Variants in SLC66A2 observed in about 807,000 individuals in gnomAD.
SLC66A2 encodes the protein solute carrier family 66 member 2.
Under a neutral mutation model 25.5 loss-of-function variants are expected in SLC66A2, and 23 were observed. The ratio of observed to expected loss-of-function variants is 0.90; its 90% CI spans 0.65 to 1.28. The LOEUF is 1.28. Among genes scored for constraint, SLC66A2 ranks in the 50% most tolerant of loss-of-function variants. The pLI is 0.00. For missense variants in SLC66A2, 396 were observed against 373.1 expected, an observed-to-expected ratio of 1.06 and a Z score of -0.51; for synonymous variants, 193 against 166.5, an observed-to-expected ratio of 1.16 and a Z score of -1.23.
chr18:79,907,514 G>A (rs944247748), intron 5 of SLC66A2, among the ~76,000 whole-genome samples: 4 of 151,838 alleles, frequency 2.6e-5, no homozygotes, highest in East Asian at 3.9e-4. Flanking sequence ...ACCACACTCC[G>A]CTAATGTTTT....
chr18:79,918,784 G>A lies in SLC66A2; in HGVS notation c.608+400C>T, dbSNP rs1385235432. On this transcript the variant is annotated intron_variant, in intron 5 of 5. Coordinates refer to ENST00000397778, the MANE Select transcript of SLC66A2 (RefSeq NM_025078.5). This position sits in a 1 kb window ranked among gnomAD's most constrained non-coding sequence, Gnocchi z 4.0. Reference sequence around the variant, plus strand: ...GTGCTGGGGCCAGTGGGGAAAGACCGAGGACAGTGTCCAAGGCAGCCCCCA... The same window carrying A: ...GTGCTGGGGCCAGTGGGGAAAGACCAAGGACAGTGTCCAAGGCAGCCCCCA... Among the ~76,000 whole-genome samples the A allele has an allele frequency of 2.6e-5, 4 of 152,192 alleles. No individual in the cohort carries two copies. The highest frequency in any genetic ancestry group is 2.1e-4 in the South Asian group (1 of 4,834).
At chr18:79,947,145 C>T (rs56168255) in intron 2 of SLC66A2, 4,244 of 152,374 alleles carry the variant, frequency 0.028, 98 homozygotes, top group South Asian at 0.059. Flanking sequence ...GCTCCCAGGG[C>T]CCTGCAGCCC....
In SLC66A2 at chr18:79,944,011, T is replaced by C. The variant is rs150258488; in HGVS notation, c.204-549A>G. The C allele has an allele frequency of 3.8e-3, 609 of 161,458 alleles. 2 individuals carry two copies. The highest frequency in any genetic ancestry group is 0.013 in the Middle Eastern group (4 of 320). 10.0% of individuals were successfully genotyped at this position (161,458 alleles called of 1,614,324 possible). A position where few individuals can be genotyped will look rare whatever the true frequency, so the allele number is the denominator to read the frequency against. On this transcript the variant is annotated intron_variant, in intron 2 of 5. Coordinates refer to ENST00000397778, the MANE Select transcript of SLC66A2 (RefSeq NM_025078.5). ...AAACACCACAGTGACCAGGCACCTG[T>C]TGCCCATCTCCCAGACTCCAGGTGG...
At chr18:79,935,657 T>C (rs1409659538) in intron 3 of SLC66A2, among the ~76,000 whole-genome samples, 1 of 152,176 alleles carries the variant, frequency 6.6e-6, no homozygotes, top group African/African-American at 2.4e-5. Flanking sequence ...CTTTCTCAGG[T>C]AGCTCCCCCT....
In SLC66A2 at chr18:79,916,267, TCCC is replaced by T. The variant is rs1238623131; in HGVS notation, c.608+2914_608+2916del. ...CGTGGTGCTCTCATAGCCGCAGTGC[TCCC>T]GTACCCGTGGTGCTCCCGTACCCGT... On this transcript the variant is annotated intron_variant, in intron 5 of 5. Coordinates refer to ENST00000397778, the MANE Select transcript of SLC66A2 (RefSeq NM_025078.5). 1.2e-4 allele frequency among the ~76,000 whole-genome samples: 18 copies of T among 147,230 alleles called. 1 individual carries two copies. The highest frequency in any genetic ancestry group is 1.0e-3 in the Admixed American group (15 of 14,376).
chr18:79,912,614 C>T lies in SLC66A2; in HGVS notation c.608+6570G>A, dbSNP rs571261006. On this transcript the variant is annotated intron_variant, in intron 5 of 5. Transcript: ENST00000397778. ...GAGATGGGAAGTGGAGGAGTGGCAG[C>T]GGGGGTGAGGAGGCTGGGGCGGTGG... is the stretch of plus-strand genomic sequence containing the variant. Among the ~76,000 whole-genome samples, 21 of 152,038 alleles carry T rather than the reference C, an allele frequency of 1.4e-4. No individual in the cohort carries two copies. In the East Asian group the frequency reaches 3.5e-3, roughly 25 times the overall value.
At chr18:79,905,098 G>A (rs556825684) in intron 5 of SLC66A2, among the ~76,000 whole-genome samples, 13 of 152,306 alleles carry the variant, frequency 8.5e-5, no homozygotes, top group South Asian at 6.2e-4. Flanking sequence ...GGAGACAGCC[G>A]GCATCTGCAC....
At chr18:79,916,666 T>C (rs1184083816) in intron 5 of SLC66A2, among the ~76,000 whole-genome samples, 1 of 152,224 alleles carries the variant, frequency 6.6e-6, no homozygotes, top group Non-Finnish European at 1.5e-5. Context: ...CAGGAGCTCA[T>C]CTGTGTGCCG....
chr18:79,903,939 C>T lies in SLC66A2; in HGVS notation c.*37G>A, dbSNP rs755780741. 30 of 1,554,702 alleles carry T rather than the reference C, an allele frequency of 1.9e-5. No homozygotes were observed. The highest frequency in any genetic ancestry group is 1.8e-4 in the Admixed American group (9 of 51,178). Reference sequence around the variant, plus strand: ...GGGGAGGTCAGGGCCCACCAGTGCCCGCGGCTGGCGGTCCCACATCCTCGT... The same window carrying T: ...GGGGAGGTCAGGGCCCACCAGTGCCTGCGGCTGGCGGTCCCACATCCTCGT... On this transcript the variant is annotated 3_prime_UTR_variant, in exon 6 of 6. Transcript: ENST00000397778.
intron 4 of SLC66A2, among the ~76,000 whole-genome samples, chr18:79,924,012 G>A (rs553582669): frequency 3.3e-4 from 50 of 151,828 alleles, no homozygotes; most frequent in Middle Eastern, 3.4e-3. Flanking sequence ...ACTGCAGCCT[G>A]GGTGACAGAG....
chr18:79,915,890 C>T (rs1983933785), intron 5 of SLC66A2: 1 of 153,278 alleles, frequency 6.5e-6, no homozygotes, highest in Non-Finnish European at 1.5e-5. Flanking sequence ...CACACAGCAC[C>T]CCCAATACTA....
intron 3 of SLC66A2, among the ~76,000 whole-genome samples, chr18:79,936,280 C>A (rs949758950): frequency 3.9e-5 from 6 of 152,218 alleles, no homozygotes; most frequent in South Asian, 2.1e-4. Flanking sequence ...GGGAGGTACA[C>A]AGGCAGATAC....
At chr18:79,906,514 AAACC>A (rs1264445113) in intron 5 of SLC66A2, among the ~76,000 whole-genome samples, 2 of 152,204 alleles carry the variant, frequency 1.3e-5, no homozygotes, top group African/African-American at 4.8e-5. Flanking sequence ...TTTAGCTTCT[AAACC>A]TTTGGAGACT....
chr18:79,912,439 C>T (rs1426608120), intron 5 of SLC66A2, among the ~76,000 whole-genome samples: 1 of 152,174 alleles, frequency 6.6e-6, no homozygotes, highest in Non-Finnish European at 1.5e-5. Flanking sequence ...CCTTCTGCAG[C>T]ATGGATGAAC....
chr18:79,947,195 C>G (rs2050954819), intron 2 of SLC66A2: 1 of 152,324 alleles, frequency 6.6e-6, no homozygotes, highest in Admixed American at 6.5e-5. Context: ...CGCTTTTCCT[C>G]CACATACTCA....
rs117735010 is a variant in SLC66A2 at position 79,940,360 on chromosome 18, C to T, written c.337+2969G>A. 7.4e-3 allele frequency among the ~76,000 whole-genome samples: 1,122 copies of T among 152,152 alleles called. 42 individuals carry two copies. The highest frequency in any genetic ancestry group is 0.052 in the Admixed American group (793 of 15,288). ...GGTCACGCCCGTAATGCCAGCACTT[C>T]GGGAGGCCAAGGTGGGTGGATCACT... On this transcript the variant is annotated intron_variant, in intron 3 of 5. Coordinates refer to ENST00000397778, the MANE Select transcript of SLC66A2 (RefSeq NM_025078.5). The surrounding 1 kb of genome is among the most constrained non-coding windows in gnomAD (Gnocchi z 4.1).
In SLC66A2 at chr18:79,937,763, A is replaced by G. The variant is rs1293667318; in HGVS notation, c.338-3741T>C. ...TTTTAAAATGCTCTTTCACAGAAAG[A>G]GCCAAGGACAGAACACCTTGTCCTT... On this transcript the variant is annotated intron_variant, in intron 3 of 5. Transcript: ENST00000397778. The surrounding 1 kb of genome is among the most constrained non-coding windows in gnomAD (Gnocchi z 5.4). Among the ~76,000 whole-genome samples the G allele has an allele frequency of 2.0e-5, 3 of 152,112 alleles. No homozygotes were observed. Among genetic ancestry groups the G allele is most frequent in the Non-Finnish European group, 4.4e-5 (3 of 68,016 alleles).
intron 3 of SLC66A2, chr18:79,935,565 G>T (rs1041660057): frequency 6.6e-6 from 1 of 152,224 alleles, no homozygotes; most frequent in Non-Finnish European, 1.5e-5. Flanking sequence ...GATCATGGGT[G>T]GGCTTGTGAC....
intron 5 of SLC66A2, among the ~76,000 whole-genome samples, chr18:79,913,898 A>G (rs780500916): frequency 2.0e-5 from 3 of 152,296 alleles, no homozygotes; most frequent in Middle Eastern, 3.4e-3. Flanking sequence ...TCATGTCACC[A>G]TTCGCCACCA....
Sources: allele counts gnomAD v4.1 joint callset (sites outside exome capture counted in the v4.1 genomes callset), GRCh38; gene constraint gnomAD v4.1.1; non-coding constraint Gnocchi (gnomAD v3.1); transcripts MANE v1.5; gene names NCBI Gene and HGNC (gene_info 2026-07-23, HGNC 2026-07-21).